AK5: variants seen among roughly 807,000 people sequenced by gnomAD.
AK5 encodes the protein adenylate kinase isoenzyme 5.
AK5 carries 27 observed loss-of-function variants against 69.5 expected under a neutral mutation model. That is an observed-to-expected ratio of 0.39 (90% CI 0.29 to 0.54). The LOEUF (loss-of-function observed/expected upper bound fraction) is 0.54. AK5 is among the 20% of genes least tolerant of loss of function. AK5 has a pLI of 0.71. For missense variants in AK5, 531 were observed against 700.4 expected (o/e 0.76, Z 2.73); for synonymous variants, 260 against 244.4 (o/e 1.06, Z -0.60).
chr1:77,441,105 T>G (rs1328321250), intron 8 of AK5, among the ~76,000 whole-genome samples: 4 of 152,198 alleles, frequency 2.6e-5, no homozygotes, highest in Admixed American at 6.5e-5. Flanking sequence ...ATTGCATTTT[T>G]TATTTCATTA....
chr1:77,302,580 GC>G (rs1443736396), intron 5 of AK5, among the ~76,000 whole-genome samples: 1 of 152,142 alleles, frequency 6.6e-6, no homozygotes, highest in African/African-American at 2.4e-5. Context: ...TTGCTTCAGG[GC>G]TAGGTGCCCT....
Position 77,297,702 on chromosome 1 carries a change from A to G in AK5, c.559A>G (p.Ile187Val). The change falls in exon 4 of 14, where the codon ATT (isoleucine) becomes GTT (valine). Residue 187 changes from isoleucine to valine, a missense_variant. Transcript: ENST00000354567. Reference sequence around the variant, plus strand: ...GAAATGGAGTCTTATTGCCAAGATAATTACAACTGGAGAATTGGCCCCACA... The same window carrying G: ...GAAATGGAGTCTTATTGCCAAGATAGTTACAACTGGAGAATTGGCCCCACA... ...NRKWSLIAKI[I>V]TTGELAPQET... is the part of the protein sequence containing the mutation. 1 of 1,613,006 alleles carries G rather than the reference A, an allele frequency of 6.2e-7. No homozygotes were observed. The highest frequency in any genetic ancestry group is 8.5e-7 in the Non-Finnish European group (1 of 1,179,694).
intron 8 of AK5, among the ~76,000 whole-genome samples, chr1:77,422,218 C>T (rs1650862987): frequency 1.3e-5 from 2 of 152,158 alleles, no homozygotes; most frequent in African/African-American, 4.8e-5. Flanking sequence ...ACTGCCCATG[C>T]TTTGGTTCAC....
chr1:77,538,489 TAA>T (rs113181815), intron 13 of AK5, among the ~76,000 whole-genome samples: 3 of 142,230 alleles, frequency 2.1e-5, no homozygotes, highest in Non-Finnish European at 1.5e-5. Flanking sequence ...CCTGGAACAT[TAA>T]AAAAAAAAAA....
chr1:77,350,782 G>A (rs1324138497), intron 6 of AK5, among the ~76,000 whole-genome samples: 1 of 152,152 alleles, frequency 6.6e-6, no homozygotes, highest in Non-Finnish European at 1.5e-5. Context: ...TTCATGGCAA[G>A]GCTGAAAGGA....
intron 12 of AK5, among the ~76,000 whole-genome samples, chr1:77,527,584 C>T (rs1385434384): frequency 6.6e-6 from 1 of 152,176 alleles, no homozygotes. Flanking sequence ...AGCATACAAC[C>T]GTTAAGTGAG....
chr1:77,468,782 G>C (rs895929706), intron 8 of AK5, among the ~76,000 whole-genome samples: 1 of 152,146 alleles, frequency 6.6e-6, no homozygotes, highest in Admixed American at 6.5e-5. Context: ...TTTGCTAAAG[G>C]CTTTTCAAAA....
At chr1:77,296,737 A>G (rs960202872) in intron 3 of AK5, among the ~76,000 whole-genome samples, 2 of 152,176 alleles carry the variant, frequency 1.3e-5, no homozygotes, top group African/African-American at 4.8e-5. Context: ...TAAAGCAGCT[A>G]TTTAAAACCA....
chr1:77,406,831 C>T (rs1345888523), intron 6 of AK5, among the ~76,000 whole-genome samples: 2 of 152,154 alleles, frequency 1.3e-5, no homozygotes, highest in African/African-American at 4.8e-5. Flanking sequence ...TGGGGAGAGG[C>T]TTTGCTCAAC....
At chr1:77,342,025 A>G (rs1661680511) in intron 6 of AK5, among the ~76,000 whole-genome samples, 1 of 152,122 alleles carries the variant, frequency 6.6e-6, no homozygotes. Context: ...CAGCCTCCCA[A>G]GTAGCTGGGA....
chr1:77,458,445 A>G (rs1360879971), intron 8 of AK5, among the ~76,000 whole-genome samples: 7 of 152,188 alleles, frequency 4.6e-5, no homozygotes, highest in Non-Finnish European at 7.4e-5. Flanking sequence ...TGTAAAGTGT[A>G]TTCGTCCATT....
intron 3 of AK5, among the ~76,000 whole-genome samples, chr1:77,295,023 AAG>A (rs1462777574): frequency 6.6e-6 from 1 of 152,140 alleles, no homozygotes; most frequent in Non-Finnish European, 1.5e-5. Context: ...ATCTCAAAAA[AAG>A]AAAAAAAAAT....
At chr1:77,518,298 G>A (rs1438732776) in intron 10 of AK5, among the ~76,000 whole-genome samples, 1 of 152,184 alleles carries the variant, frequency 6.6e-6, no homozygotes, top group African/African-American at 2.4e-5. Flanking sequence ...TGGGTTACAA[G>A]TGGTCTATGA....
intron 11 of AK5, 64 bp from the exon 12 acceptor site, chr1:77,521,763 A>T: frequency 8.2e-7 from 1 of 1,226,858 alleles, no homozygotes; most frequent in Non-Finnish European, 1.2e-6. Context: ...ACTGAAGGAG[A>T]CTTGGGGTAC....
At chr1:77,380,319 T>C (rs1647541389) in intron 6 of AK5, among the ~76,000 whole-genome samples, 1 of 152,174 alleles carries the variant, frequency 6.6e-6, no homozygotes, top group Non-Finnish European at 1.5e-5. Flanking sequence ...AAGTACTTTA[T>C]AGCCAATCCT....
intron 8 of AK5, among the ~76,000 whole-genome samples, chr1:77,474,521 T>C (rs1460345657): frequency 6.6e-6 from 1 of 152,172 alleles, no homozygotes; most frequent in Admixed American, 6.5e-5. Context: ...GAGTGGTTGA[T>C]GGAAAACTGT....
At chr1:77,334,437 CTTA>C (rs1164861565) in intron 5 of AK5, among the ~76,000 whole-genome samples, 2 of 151,966 alleles carry the variant, frequency 1.3e-5, no homozygotes, top group Non-Finnish European at 2.9e-5. Context: ...GAGTTTTCTG[CTTA>C]TTATTGTTGG....
intron 6 of AK5, among the ~76,000 whole-genome samples, chr1:77,403,216 G>C (rs1276027534): frequency 6.6e-6 from 1 of 152,048 alleles, no homozygotes; most frequent in African/African-American, 2.4e-5. Context: ...AGATGAGTAG[G>C]TTGCAAAAAT....
chr1:77,381,020 C>T (rs1436233552), intron 6 of AK5, among the ~76,000 whole-genome samples: 4 of 152,140 alleles, frequency 2.6e-5, no homozygotes, highest in Non-Finnish European at 5.9e-5. Flanking sequence ...GAGGGTCTCT[C>T]GGAGCATTAA....
Sources: gnomAD v4.1 joint callset for allele counts (sites outside exome capture counted in the v4.1 genomes callset) on GRCh38, gnomAD v4.1.1 for gene constraint, MANE v1.5 for transcripts, NCBI Gene and HGNC (gene_info 2026-07-23, HGNC 2026-07-21) for gene names.